The following PRIM2 variants were observed in gnomAD, a reference collection of about 807,000 sequenced individuals.
PRIM2 encodes DNA primase subunit 2.
In PRIM2, 39 loss-of-function variants were observed where a neutral mutation model predicts 67.3. That is an observed-to-expected ratio of 0.58 (90% CI 0.45 to 0.76). PRIM2 has a LOEUF of 0.76. Among genes scored for constraint, PRIM2 ranks in the 30% least tolerant of loss-of-function variants. PRIM2 has a pLI of 0.00. For missense variants in PRIM2, 398 were observed against 598.7 expected, an observed-to-expected ratio of 0.66 and a Z score of 3.50; for synonymous variants, 143 against 198.7, an observed-to-expected ratio of 0.72 and a Z score of 2.36.
At chr6:57,232,480 C>T in the PRIM2 span, among the ~76,000 whole-genome samples, 124 of 152,162 alleles carry the variant, frequency 8.1e-4, 1 homozygote, top group East Asian at 0.014. Flanking sequence ...TGAACTGAGG[C>T]GGAGGTTGCA....
chr6:57,398,790 G>T (rs1335685499), intron 7 of PRIM2, among the ~76,000 whole-genome samples: 3 of 152,070 alleles, frequency 2.0e-5, no homozygotes, highest in Non-Finnish European at 4.4e-5. Context: ...ATGTCTCTTT[G>T]TAGGTCTCTA....
At chr6:57,516,157 C>T (rs1227059253) in intron 8 of PRIM2, among the ~76,000 whole-genome samples, 3 of 151,716 alleles carry the variant, frequency 2.0e-5, no homozygotes, top group South Asian at 2.1e-4. Flanking sequence ...TTTAAAGGCC[C>T]GTGCGATTAG....
chr6:57,593,599 A>G lies in PRIM2; in HGVS notation c.1021-7494A>G. Among the ~76,000 whole-genome samples, 4 of 152,204 alleles carry G rather than the reference A, an allele frequency of 2.6e-5. No individual in the cohort carries two copies. The East Asian group carries it at 7.7e-4, about 29-fold the overall frequency. On this transcript the variant is annotated intron_variant, in intron 10 of 13. Transcript: ENST00000615550. ...GTGAGCCACCGTGCCCGGCCTTCCTACCTCTTTTCATACCCAATGCTTAGA... is the reference window on the plus strand; with the variant it reads ...GTGAGCCACCGTGCCCGGCCTTCCTGCCTCTTTTCATACCCAATGCTTAGA...
intron 7 of PRIM2, among the ~76,000 whole-genome samples, chr6:57,402,858 A>T (rs545604276): frequency 1.3e-5 from 2 of 152,288 alleles, no homozygotes; most frequent in South Asian, 4.2e-4. Context: ...AGAAATACAT[A>T]TTAGTAATTT....
chr6:57,257,916 CTCT>C, the PRIM2 span, among the ~76,000 whole-genome samples: 1 of 152,140 alleles, frequency 6.6e-6, no homozygotes, highest in Non-Finnish European at 1.5e-5. Flanking sequence ...TTTTGTCCTC[CTCT>C]TTTGTTAAGT....
the PRIM2 span, among the ~76,000 whole-genome samples, chr6:57,298,778 A>C: frequency 6.6e-6 from 1 of 152,212 alleles, no homozygotes; most frequent in African/African-American, 2.4e-5. Context: ...TAACATAAAG[A>C]AAATGCATTT....
intron 5 of PRIM2, among the ~76,000 whole-genome samples, chr6:57,340,674 G>T (rs1284115262): frequency 1.4e-4 from 21 of 152,094 alleles, no homozygotes; most frequent in Non-Finnish European, 4.4e-5. Flanking sequence ...CATGGACACA[G>T]CAAGGGGAAC....
intron 7 of PRIM2, among the ~76,000 whole-genome samples, chr6:57,454,505 G>C: frequency 1.3e-5 from 2 of 152,240 alleles, no homozygotes; most frequent in East Asian, 1.9e-4. Context: ...CTTCTTACTG[G>C]TTTAGACTTG....
intron 8 of PRIM2, among the ~76,000 whole-genome samples, chr6:57,522,360 T>G (rs1397782373): frequency 5.9e-5 from 9 of 152,318 alleles, no homozygotes; most frequent in Admixed American, 5.2e-4. Context: ...GATTGTTTTA[T>G]GTCATTGTGT....
the PRIM2 span, among the ~76,000 whole-genome samples, chr6:57,279,640 A>T: frequency 6.6e-6 from 1 of 152,194 alleles, no homozygotes; most frequent in Non-Finnish European, 1.5e-5. Flanking sequence ...AACAATGATT[A>T]TAGTGAATGA....
At chr6:57,425,436 C>T (rs1467359850) in intron 7 of PRIM2, among the ~76,000 whole-genome samples, 1 of 152,044 alleles carries the variant, frequency 6.6e-6, no homozygotes, top group East Asian at 1.9e-4. Flanking sequence ...AGGATGGTCT[C>T]GATCTCTTGA....
At chr6:57,360,844 A>G (rs1253561030) in intron 5 of PRIM2, among the ~76,000 whole-genome samples, 1 of 152,248 alleles carries the variant, frequency 6.6e-6, no homozygotes, top group Non-Finnish European at 1.5e-5. Flanking sequence ...AGCAAAGTAT[A>G]GATAAGAACA....
intron 7 of PRIM2, among the ~76,000 whole-genome samples, chr6:57,408,671 T>G (rs756631318): frequency 1.3e-5 from 2 of 152,336 alleles, no homozygotes; most frequent in South Asian, 4.1e-4. Context: ...TCTTCTGCAT[T>G]TGGCTTTTGT....
At chr6:57,469,434 C>T (rs1773285124) in intron 7 of PRIM2, among the ~76,000 whole-genome samples, 1 of 152,290 alleles carries the variant, frequency 6.6e-6, no homozygotes, top group Non-Finnish European at 1.5e-5. Context: ...ATTCAAATCT[C>T]GGAAAATTGA....
intron 8 of PRIM2, among the ~76,000 whole-genome samples, chr6:57,528,387 T>G (rs1290755886): frequency 1.3e-5 from 2 of 151,694 alleles, no homozygotes; most frequent in Admixed American, 6.6e-5. Flanking sequence ...TTGCTTTTTT[T>G]CTTTTTTTCC....
At chr6:57,587,896 C>G (rs1188461392) in intron 10 of PRIM2, among the ~76,000 whole-genome samples, 2 of 152,082 alleles carry the variant, frequency 1.3e-5, no homozygotes, top group Admixed American at 1.3e-4. Context: ...GGACTCATGT[C>G]TAATAAGCCT....
At chr6:57,455,150 A>T (rs1772719986) in intron 7 of PRIM2, among the ~76,000 whole-genome samples, 1 of 152,068 alleles carries the variant, frequency 6.6e-6, no homozygotes, top group African/African-American at 2.4e-5. Context: ...GGTCTGAGAG[A>T]CAGTTTGTTA....
At chr6:57,273,534 T>G in the PRIM2 span, among the ~76,000 whole-genome samples, 1 of 152,236 alleles carries the variant, frequency 6.6e-6, no homozygotes, top group Non-Finnish European at 1.5e-5. Flanking sequence ...TCGTATAATT[T>G]TTTTTCAAAG....
chr6:57,259,741 C>T, the PRIM2 span, among the ~76,000 whole-genome samples: 1 of 152,164 alleles, frequency 6.6e-6, no homozygotes, highest in Non-Finnish European at 1.5e-5. Context: ...CTGATGATGG[C>T]TCACCAAGTC....
Sources: gnomAD v4.1 joint callset for allele counts (sites outside exome capture counted in the v4.1 genomes callset) on GRCh38, gnomAD v4.1.1 for gene constraint, MANE v1.5 for transcripts, NCBI Gene and HGNC (gene_info 2026-07-23, HGNC 2026-07-21) for gene names.